Variants in RTN4RL1 observed in about 807,000 individuals in gnomAD.
RTN4RL1 encodes reticulon 4 receptor like 1, also known as reticulon-4 receptor-like 1.
A neutral mutation model predicts 25.6 loss-of-function variants in RTN4RL1; 7 were observed. The observed-to-expected ratio is 0.27, with a 90% CI of 0.16 to 0.51. RTN4RL1 has a LOEUF of 0.51. Ranked by LOEUF, RTN4RL1 falls within the 20% of genes least tolerant of loss-of-function variation. RTN4RL1 has a pLI of 0.97. For missense variants in RTN4RL1, 500 were observed against 615.6 expected, an observed-to-expected ratio of 0.81 and a Z score of 1.99; for synonymous variants, 297 against 288.2, an observed-to-expected ratio of 1.03 and a Z score of -0.31.
rs533702048 is a variant in RTN4RL1 at position 2,009,884 on chromosome 17, C to A, written c.13+14969G>T. Reference sequence around the variant, plus strand: ...CACAGAATGCCGGCCCTGTCCACAGCCCCAGCCACGGAGACAGCCAGGTAC... The same window carrying A: ...CACAGAATGCCGGCCCTGTCCACAGACCCAGCCACGGAGACAGCCAGGTAC... On this transcript the variant is annotated intron_variant, in intron 1 of 1. Coordinates refer to ENST00000331238, the MANE Select transcript of RTN4RL1 (RefSeq NM_178568.4). Among the ~76,000 whole-genome samples, 3 of 128,762 alleles carry A rather than the reference C, an allele frequency of 2.3e-5. No individual in the cohort carries two copies. The South Asian group carries it at 8.3e-4, about 36-fold the overall frequency. 84.5% of individuals were successfully genotyped at this position (128,762 alleles called of 152,430 possible).
intron 1 of RTN4RL1, chr17:1,995,783 G>A (rs1423008948): frequency 1.3e-5 from 2 of 152,280 alleles, no homozygotes; most frequent in Non-Finnish European, 1.5e-5. Context: ...ACTGGTGAGA[G>A]ATGGCCTATG....
At chr17:1,964,598 G>A (rs2066780518) in intron 1 of RTN4RL1, among the ~76,000 whole-genome samples, 1 of 151,836 alleles carries the variant, frequency 6.6e-6, no homozygotes, top group Non-Finnish European at 1.5e-5. Flanking sequence ...CGGGCGTGGT[G>A]GCGGGCGCCT....
intron 1 of RTN4RL1, among the ~76,000 whole-genome samples, chr17:1,945,097 C>T (rs1253002947): frequency 1.3e-5 from 2 of 152,186 alleles, no homozygotes; most frequent in African/African-American, 2.4e-5. Flanking sequence ...ACGTGCTGTT[C>T]CCTCTGCCTG....
chr17:1,987,279 C>T (rs565251784), intron 1 of RTN4RL1, among the ~76,000 whole-genome samples: 1 of 152,118 alleles, frequency 6.6e-6, no homozygotes, highest in African/African-American at 2.4e-5. Flanking sequence ...AACACCTGCT[C>T]CCAGGCCTCC....
intron 1 of RTN4RL1, among the ~76,000 whole-genome samples, chr17:2,018,554 C>T (rs957309334): frequency 3.3e-5 from 5 of 152,168 alleles, no homozygotes; most frequent in African/African-American, 7.2e-5. Flanking sequence ...CAGCGCCCAG[C>T]GCCCCACAAA....
chr17:1,969,176 A>G (rs2066806729), intron 1 of RTN4RL1, among the ~76,000 whole-genome samples: 1 of 148,340 alleles, frequency 6.7e-6, no homozygotes. Flanking sequence ...CTCCTGCCTC[A>G]GCCTCCTGAG....
chr17:1,957,809 ACTCCAGC>A (rs1915821266), intron 1 of RTN4RL1, among the ~76,000 whole-genome samples: 1 of 151,894 alleles, frequency 6.6e-6, no homozygotes, highest in South Asian at 2.1e-4. Context: ...GCACCACTGC[ACTCCAGC>A]CTGGGCAATA....
chr17:2,005,196 G>A (rs1022844841), intron 1 of RTN4RL1, among the ~76,000 whole-genome samples: 2 of 151,936 alleles, frequency 1.3e-5, no homozygotes, highest in Non-Finnish European at 2.9e-5. Context: ...TTGTGGAGAT[G>A]TGGTCTCACT....
At chr17:1,958,818 C>A (rs1915841546) in intron 1 of RTN4RL1, among the ~76,000 whole-genome samples, 2 of 152,200 alleles carry the variant, frequency 1.3e-5, no homozygotes, top group South Asian at 4.1e-4. Flanking sequence ...TTGCCTTTTC[C>A]CCCCAATAAT....
chr17:1,963,527 G>A (rs550586099), intron 1 of RTN4RL1, among the ~76,000 whole-genome samples: 1 of 152,322 alleles, frequency 6.6e-6, no homozygotes, highest in African/African-American at 2.4e-5. Context: ...GGGGCTCCCT[G>A]CTGCCTCTGG....
chr17:1,957,101 A>G (rs1039480449), intron 1 of RTN4RL1, among the ~76,000 whole-genome samples: 2 of 152,132 alleles, frequency 1.3e-5, no homozygotes, highest in African/African-American at 4.8e-5. Flanking sequence ...AGTCAGTTAA[A>G]TTAAAACTAA....
intron 1 of RTN4RL1, among the ~76,000 whole-genome samples, chr17:2,002,455 G>A (rs1453597385): frequency 1.3e-5 from 2 of 150,414 alleles, no homozygotes; most frequent in Non-Finnish European, 1.5e-5. Context: ...ACCTCGCCTG[G>A]CTAATTTTTT....
At chr17:1,971,958 T>G in intron 1 of RTN4RL1, among the ~76,000 whole-genome samples, 1 of 59,064 alleles carries the variant, frequency 1.7e-5, no homozygotes, top group African/African-American at 7.1e-5. Flanking sequence ...CCAGACTCCC[T>G]CTCAAAAAAA....
At chr17:1,938,825 C>G (rs963991999) in intron 1 of RTN4RL1, among the ~76,000 whole-genome samples, 1 of 151,288 alleles carries the variant, frequency 6.6e-6, no homozygotes, top group Non-Finnish European at 1.5e-5. Context: ...CCGAGGCAGG[C>G]GGATCACCTG....
intron 1 of RTN4RL1, among the ~76,000 whole-genome samples, chr17:1,943,460 CTGGGCAGGGCCG>C (rs1915479583): frequency 6.6e-6 from 1 of 152,242 alleles, no homozygotes; most frequent in South Asian, 2.1e-4. Flanking sequence ...CCGCAGCCCC[CTGGGCAGGGCCG>C]TGGGGCTCTC....
chr17:1,993,706 A>G (rs928069116), intron 1 of RTN4RL1, among the ~76,000 whole-genome samples: 2 of 151,932 alleles, frequency 1.3e-5, no homozygotes, highest in African/African-American at 4.8e-5. Flanking sequence ...AAGCACTGCC[A>G]TTACTTGAAA....
Position 1,935,854 on chromosome 17 carries a change from G to A in RTN4RL1, c.*642C>T. The A allele has an allele frequency of 7.1e-6, 7 of 985,054 alleles. No homozygotes were observed. Among genetic ancestry groups the A allele is most frequent in the Non-Finnish European group, 8.4e-6 (7 of 829,756 alleles). 61.0% of individuals were successfully genotyped at this position (985,054 alleles called of 1,614,324 possible). A position where few individuals can be genotyped will look rare whatever the true frequency, so the allele number is the denominator to read the frequency against. ...GATGAAGTTCTAGATTTCAGCCTCT[G>A]ATGATCTTTCCTTTGGTAATTGGTT... On this transcript the variant is annotated 3_prime_UTR_variant, in exon 2 of 2. Coordinates refer to ENST00000331238, the MANE Select transcript of RTN4RL1 (RefSeq NM_178568.4).
chr17:2,022,176 C>T (rs2067216526), intron 1 of RTN4RL1, among the ~76,000 whole-genome samples: 1 of 151,940 alleles, frequency 6.6e-6, no homozygotes, highest in Non-Finnish European at 1.5e-5. Flanking sequence ...ATGAGTCAAG[C>T]ATGGTGGCGT....
At chr17:1,999,094 TCACA>T (rs59609042) in intron 1 of RTN4RL1, among the ~76,000 whole-genome samples, 27 of 147,372 alleles carry the variant, frequency 1.8e-4, no homozygotes, top group East Asian at 8.3e-4. Flanking sequence ...ACATGCGCGA[TCACA>T]CACACACACA....
Sources: gnomAD v4.1 joint callset for allele counts (sites outside exome capture counted in the v4.1 genomes callset) on GRCh38, gnomAD v4.1.1 for gene constraint, MANE v1.5 for transcripts, NCBI Gene and HGNC (gene_info 2026-07-23, HGNC 2026-07-21) for gene names.